The following SWT1 variants were observed in gnomAD, a reference collection of about 807,000 sequenced individuals.
SWT1 encodes transcriptional protein SWT1.
Under a neutral mutation model 107.3 loss-of-function variants are expected in SWT1, and 33 were observed. The observed-to-expected ratio is 0.31, with a 90% CI of 0.23 to 0.41. The LOEUF (loss-of-function observed/expected upper bound fraction) is 0.41. Ranked by LOEUF, SWT1 falls within the 10% of genes least tolerant of loss-of-function variation. The pLI, the probability that SWT1 is intolerant of heterozygous loss-of-function variation, is 1.00. For synonymous variants in SWT1, 345 were observed against 348.3 expected (o/e 0.99, Z 0.11); for missense variants, 898 against 1,028.9 (o/e 0.87, Z 1.74).
chr1:185,232,413 C>T (rs151301192), intron 16 of SWT1, among the ~76,000 whole-genome samples: 86 of 152,290 alleles, frequency 5.6e-4, no homozygotes, highest in African/African-American at 2.0e-3. Flanking sequence ...AATAACTCAG[C>T]AGATGTTCAT....
At chr1:185,229,525 A>G (rs1660347440) in intron 15 of SWT1, among the ~76,000 whole-genome samples, 1 of 151,750 alleles carries the variant, frequency 6.6e-6, no homozygotes, top group Non-Finnish European at 1.5e-5. Context: ...AAGTTTTTGG[A>G]ATGATGGTAT....
At chr1:185,235,781 C>T (rs1339057722) in intron 16 of SWT1, among the ~76,000 whole-genome samples, 1 of 152,202 alleles carries the variant, frequency 6.6e-6, no homozygotes, top group Non-Finnish European at 1.5e-5. Context: ...TTGCAGATGA[C>T]ATGATTGTAT....
At chr1:185,167,678 G>A (rs1179342763) in intron 3 of SWT1, among the ~76,000 whole-genome samples, 1 of 151,606 alleles carries the variant, frequency 6.6e-6, no homozygotes, top group South Asian at 2.1e-4. Context: ...TCTTTTTTTT[G>A]TTGTTTTCCC....
chr1:185,256,146 A>G (rs1252121131), intron 16 of SWT1, among the ~76,000 whole-genome samples: 4 of 151,276 alleles, frequency 2.6e-5, no homozygotes, highest in African/African-American at 9.7e-5. Context: ...CTGCCGAGAG[A>G]TCCGCTGTTA....
At chr1:185,289,827 C>T (rs1171760610) in intron 18 of SWT1, among the ~76,000 whole-genome samples, 1 of 151,950 alleles carries the variant, frequency 6.6e-6, no homozygotes, top group African/African-American at 2.4e-5. Flanking sequence ...TGGTGGTTAC[C>T]AGGGGCTAGG....
intron 15 of SWT1, among the ~76,000 whole-genome samples, chr1:185,223,150 A>G (rs1330728361): frequency 1.3e-5 from 2 of 152,032 alleles, no homozygotes; most frequent in Non-Finnish European, 2.9e-5. Flanking sequence ...TGGCACCACT[A>G]ATTTACAAAT....
At chr1:185,264,403 A>G (rs1237229374) in intron 16 of SWT1, 15 of 985,214 alleles carry the variant, frequency 1.5e-5, no homozygotes, top group Non-Finnish European at 1.8e-5. Flanking sequence ...CAAGTCCCCA[A>G]ACAGCTTGAA....
intron 12 of SWT1, among the ~76,000 whole-genome samples, chr1:185,205,726 C>G (rs1413766123): frequency 6.6e-6 from 1 of 152,218 alleles, no homozygotes. Flanking sequence ...CTGTGAGATT[C>G]TAATATTTGC....
chr1:185,162,707 G>A (rs572275404), intron 2 of SWT1, among the ~76,000 whole-genome samples: 1 of 152,102 alleles, frequency 6.6e-6, no homozygotes, highest in South Asian at 2.1e-4. Context: ...GTGTAGTAAA[G>A]CAAATAGTGC....
Position 185,161,033 on chromosome 1 carries a change from T to C in SWT1, c.84+108T>C. 4.8e-6 allele frequency: 4 copies of C among 831,350 alleles called. No individual in the cohort carries two copies. In the South Asian group the frequency reaches 7.0e-5, roughly 15 times the overall value. 51.5% of individuals were successfully genotyped at this position (831,350 alleles called of 1,614,324 possible). ...GATTTATGTAAATATTTTGTTCTGC[T>C]CAGCCGATCCAGGAAAAGTCATTTG... On this transcript the variant is annotated intron_variant, in intron 2 of 18. Coordinates refer to ENST00000367500, the MANE Select transcript of SWT1 (RefSeq NM_017673.7).
intron 16 of SWT1, among the ~76,000 whole-genome samples, chr1:185,235,516 T>G (rs1287440672): frequency 1.3e-5 from 2 of 152,218 alleles, no homozygotes; most frequent in African/African-American, 4.8e-5. Flanking sequence ...TCAGCAGCCC[T>G]TCATGCTAAA....
At chr1:185,272,114 A>G (rs1356940468) in intron 17 of SWT1, among the ~76,000 whole-genome samples, 1 of 152,190 alleles carries the variant, frequency 6.6e-6, no homozygotes, top group African/African-American at 2.4e-5. Flanking sequence ...AATACCTCAC[A>G]AAGGAAGAAC....
chr1:185,178,386 G>A (rs903266065), intron 5 of SWT1, among the ~76,000 whole-genome samples: 2 of 152,302 alleles, frequency 1.3e-5, no homozygotes, highest in Non-Finnish European at 1.5e-5. Flanking sequence ...TTTTTATCTC[G>A]TAGATGGAAG....
intron 15 of SWT1, among the ~76,000 whole-genome samples, chr1:185,228,864 A>G (rs1025663227): frequency 7.9e-5 from 12 of 152,320 alleles, no homozygotes; most frequent in African/African-American, 2.9e-4. Flanking sequence ...TTTCAGATAG[A>G]AGAATAGAAA....
chr1:185,200,086 C>T (rs551397423), intron 10 of SWT1, among the ~76,000 whole-genome samples: 105 of 152,070 alleles, frequency 6.9e-4, no homozygotes, highest in Non-Finnish European at 1.1e-3. Flanking sequence ...CTGTTTTTTT[C>T]AGCTCCATTA....
Position 185,202,643 on chromosome 1 carries a change from C to T in SWT1, c.1524-11C>T. 1 of 1,601,128 alleles carries T rather than the reference C, an allele frequency of 6.2e-7. No homozygotes were observed. Among genetic ancestry groups the T allele is most frequent in the East Asian group, 2.3e-5 (1 of 44,062 alleles). ...TATTTTTTCCTCCTAATCCCAACCT[C>T]CCAACCTTAGGGATGATAGAAACTT... On this transcript the variant is annotated splice_polypyrimidine_tract_variant and intron_variant, in intron 10 of 18. Coordinates refer to ENST00000367500, the MANE Select transcript of SWT1 (RefSeq NM_017673.7).
Position 185,174,477 on chromosome 1 carries a change from T to G in SWT1, c.330T>G (p.Ile110Met). 6.2e-7 allele frequency: 1 copy of G among 1,610,668 alleles called. No homozygotes were observed. The highest frequency in any genetic ancestry group is 1.1e-5 in the South Asian group (1 of 89,954). The change falls in exon 5 of 19, where the codon ATT (isoleucine) becomes ATG (methionine). Residue 110 changes from isoleucine to methionine, a missense_variant. Transcript: ENST00000367500. ...KEASYSNDNQ[I>M]ILQSPSSNGT... Reference sequence around the variant, plus strand: ...CATCATATTCAAATGATAATCAAATTATTTTGCAGAGTCCTTCTTCAAATG... The same window carrying G: ...CATCATATTCAAATGATAATCAAATGATTTTGCAGAGTCCTTCTTCAAATG...
At chr1:185,217,473 A>G (rs2102511819) in intron 14 of SWT1, among the ~76,000 whole-genome samples, 1 of 152,274 alleles carries the variant, frequency 6.6e-6, no homozygotes, top group South Asian at 2.1e-4. Context: ...CCTTATGAGA[A>G]TCTAATGCCT....
intron 5 of SWT1, chr1:185,176,593 A>G (rs1571421095): frequency 3.0e-6 from 3 of 983,672 alleles, no homozygotes; most frequent in Non-Finnish European, 3.6e-6. Flanking sequence ...AACTTTCAGA[A>G]CTGTGGAACC....
Sources: gnomAD v4.1 joint callset for allele counts (sites outside exome capture counted in the v4.1 genomes callset) on GRCh38, gnomAD v4.1.1 for gene constraint, MANE v1.5 for transcripts, NCBI Gene and HGNC (gene_info 2026-07-23, HGNC 2026-07-21) for gene names.